SLMAP: variants seen among roughly 807,000 people sequenced by gnomAD.
SLMAP encodes the protein sarcolemmal membrane-associated protein.
A neutral mutation model predicts 128.8 loss-of-function variants in SLMAP; 44 were observed. The ratio of observed to expected loss-of-function variants is 0.34; its 90% confidence interval spans 0.27 to 0.44. The LOEUF is 0.44. Among genes scored for constraint, SLMAP ranks in the 20% least tolerant of loss-of-function variants. The probability of loss-of-function intolerance (pLI) is 1.00; values close to 1 mark genes in which losing one functional copy is unlikely to be tolerated. For synonymous variants in SLMAP, 327 were observed against 348.8 expected (o/e 0.94, Z 0.70); for missense variants, 787 against 985.3 (o/e 0.80, Z 2.69).
At chr3:57,904,428 A>G (rs867001163) in intron 17 of SLMAP, among the ~76,000 whole-genome samples, 1 of 152,230 alleles carries the variant, frequency 6.6e-6, no homozygotes, top group Non-Finnish European at 1.5e-5. Context: ...GTCTTGAAAC[A>G]AAAGAAAACA....
chr3:57,844,840 A>G (rs1031645398), intron 4 of SLMAP, among the ~76,000 whole-genome samples: 1 of 149,958 alleles, frequency 6.7e-6, no homozygotes, highest in African/African-American at 2.5e-5. Context: ...TCAGCCTCCC[A>G]GGTAGCTGGG....
chr3:57,882,326 AG>A (rs1477549101), intron 14 of SLMAP, among the ~76,000 whole-genome samples: 2 of 152,222 alleles, frequency 1.3e-5, no homozygotes, highest in African/African-American at 4.8e-5. Context: ...TTAATATGTT[AG>A]GAAGTGATGA....
At chr3:57,884,774 A>G (rs1324310003) in intron 14 of SLMAP, among the ~76,000 whole-genome samples, 5 of 152,120 alleles carry the variant, frequency 3.3e-5, no homozygotes, top group Admixed American at 6.5e-5. Flanking sequence ...ACGCCACTGC[A>G]CTCCAGCCTG....
chr3:57,832,322 T>G (rs1405054926), intron 3 of SLMAP, among the ~76,000 whole-genome samples: 1 of 152,156 alleles, frequency 6.6e-6, no homozygotes, highest in South Asian at 2.1e-4. Flanking sequence ...AGAAAGAAGA[T>G]GGAAAGGTAG....
chr3:57,841,224 T>G, intron 3 of SLMAP, 75 bp from the exon 4 acceptor site: 1 of 817,710 alleles, frequency 1.2e-6, no homozygotes, highest in East Asian at 2.8e-5. Context: ...ATAAACTATG[T>G]TTACATATGA....
rs2094439140 is a variant in SLMAP, at chr3:57,849,822, A to C, written c.519+6A>C. 8.2e-6 allele frequency: 12 copies of C among 1,471,220 alleles called. No homozygotes were observed. Among genetic ancestry groups the C allele is most frequent in the Non-Finnish European group, 1.0e-5 (11 of 1,049,998 alleles). The allele number at this position is 1,471,220 out of a possible 1,614,324, so 91.1% of individuals were successfully genotyped here. On this transcript the variant is annotated splice_donor_region_variant and intron_variant, in intron 6 of 24. Transcript: ENST00000671191. ...AGCTTTCTCAGTATCTACAGGTAAA[A>C]GTACATCTTGAGACTTCTTAAAAGC...
chr3:57,892,503 C>T (rs183332920), intron 15 of SLMAP, among the ~76,000 whole-genome samples: 7 of 152,258 alleles, frequency 4.6e-5, no homozygotes, highest in Non-Finnish European at 8.8e-5. Context: ...TTCTTTAAAC[C>T]TCAGTTCCCT....
At chr3:57,785,764 A>G (rs1343333136) in intron 2 of SLMAP, among the ~76,000 whole-genome samples, 1 of 152,110 alleles carries the variant, frequency 6.6e-6, no homozygotes, top group Non-Finnish European at 1.5e-5. Flanking sequence ...TATTCCTGAA[A>G]CCTTTTAGAA....
intron 14 of SLMAP, among the ~76,000 whole-genome samples, chr3:57,873,923 C>T (rs1345097380): frequency 6.6e-6 from 1 of 151,990 alleles, no homozygotes; most frequent in Non-Finnish European, 1.5e-5. Context: ...GAGTTTGAGA[C>T]GAACCTGGCC....
At chr3:57,847,397 G>A (rs996977082) in intron 5 of SLMAP, among the ~76,000 whole-genome samples, 164 bp downstream of exon 5, 1 of 152,256 alleles carries the variant, frequency 6.6e-6, no homozygotes, top group African/African-American at 2.4e-5. Context: ...TTCAATATCT[G>A]GAGAATCTAA....
At chr3:57,829,932 C>G (rs2093216532) in intron 2 of SLMAP, among the ~76,000 whole-genome samples, 2 of 152,136 alleles carry the variant, frequency 1.3e-5, no homozygotes, top group East Asian at 1.9e-4. Flanking sequence ...CTTATTTGAA[C>G]TCTTGCTTCT....
rs777110788 is a variant in SLMAP at position 57,927,328 on chromosome 3, C to G, written c.*39C>G. The G allele has an allele frequency of 8.1e-6, 13 of 1,607,446 alleles. No homozygotes were observed. The highest frequency in any genetic ancestry group is 1.1e-5 in the Non-Finnish European group (13 of 1,175,754). On this transcript the variant is annotated 3_prime_UTR_variant, in exon 25 of 25. Transcript: ENST00000671191. Reference sequence around the variant, plus strand: ...GGCCCTGGATGCCCATGTTGGCTGCCCTGGTTGCAGTAACAGCCATCGTGC... The same window carrying G: ...GGCCCTGGATGCCCATGTTGGCTGCGCTGGTTGCAGTAACAGCCATCGTGC...
chr3:57,885,388 G>GTTGTT (rs1186477809), intron 14 of SLMAP, among the ~76,000 whole-genome samples: 3 of 145,912 alleles, frequency 2.1e-5, no homozygotes, highest in Admixed American at 1.4e-4. Flanking sequence ...TGTTGTTGTT[G>GTTGTT]TTGTTTTGTT....
chr3:57,769,283 C>T (rs543553311), intron 2 of SLMAP, among the ~76,000 whole-genome samples: 41 of 152,108 alleles, frequency 2.7e-4, no homozygotes, highest in African/African-American at 9.9e-4. Context: ...AGCTCTGCCT[C>T]CTGGGTTCAC....
intron 2 of SLMAP, among the ~76,000 whole-genome samples, chr3:57,790,751 G>T (rs780035181): frequency 6.6e-6 from 1 of 152,150 alleles, no homozygotes; most frequent in Non-Finnish European, 1.5e-5. Flanking sequence ...CATGTATATG[G>T]AAGTATTTTA....
chr3:57,927,292 A>G lies in SLMAP; in HGVS notation c.*7-4A>G. The stretch of plus-strand genomic sequence containing the variant: ...ATATTGACTCTTGGTTTCTTTCCAC[A>G]CAGAAACCCTGGCCCTGGATGCCCA... On this transcript the variant is annotated splice_region_variant and splice_polypyrimidine_tract_variant and intron_variant, in intron 24 of 24. Transcript: ENST00000671191. The G allele has an allele frequency of 1.2e-6, 2 of 1,600,112 alleles. No homozygotes were observed. The highest frequency in any genetic ancestry group is 1.7e-6 in the Non-Finnish European group (2 of 1,170,186).
chr3:57,893,893 C>T (rs958418467), intron 15 of SLMAP, among the ~76,000 whole-genome samples: 5 of 152,084 alleles, frequency 3.3e-5, no homozygotes, highest in Non-Finnish European at 7.4e-5. Context: ...CTAAGTTCCC[C>T]GTCACTAAGC....
intron 8 of SLMAP, 39 bp downstream of exon 8, chr3:57,858,198 G>T: frequency 9.2e-7 from 1 of 1,087,768 alleles, no homozygotes; most frequent in Non-Finnish European, 1.4e-6. Context: ...GAAATGCATA[G>T]TTTTTTATGT....
At chr3:57,900,319 C>T (rs1214348795) in intron 17 of SLMAP, 1 of 152,076 alleles carries the variant, frequency 6.6e-6, no homozygotes, top group African/African-American at 2.4e-5. Context: ...AGCAGTAGTA[C>T]CTTTTCCCTG....
Sources: gnomAD v4.1 joint callset for allele counts (sites outside exome capture counted in the v4.1 genomes callset) on GRCh38, gnomAD v4.1.1 for gene constraint, MANE v1.5 for transcripts, NCBI Gene and HGNC (gene_info 2026-07-23, HGNC 2026-07-21) for gene names.